SYT9: variants seen among roughly 807,000 people sequenced by gnomAD.
SYT9 encodes synaptotagmin 9, also known as synaptotagmin-9.
SYT9 carries 22 observed loss-of-function variants against 48.4 expected under a neutral mutation model. The ratio of observed to expected loss-of-function variants is 0.45; its 90% CI spans 0.32 to 0.65. The LOEUF is 0.65. Ranked by LOEUF, SYT9 falls within the 30% of genes least tolerant of loss-of-function variation. SYT9 has a pLI of 0.03. For synonymous variants in SYT9, 265 were observed against 245.0 expected (o/e 1.08, Z -0.76); for missense variants, 577 against 622.0 (o/e 0.93, Z 0.77).
chr11:7,264,176 A>C (rs1217357088), intron 1 of SYT9, among the ~76,000 whole-genome samples: 1 of 152,146 alleles, frequency 6.6e-6, no homozygotes, highest in South Asian at 2.1e-4. Flanking sequence ...TTATAAGCTG[A>C]GAGTGAGGAT....
intron 2 of SYT9, among the ~76,000 whole-genome samples, chr11:7,307,985 T>C (rs1849062740): frequency 6.6e-6 from 1 of 152,230 alleles, no homozygotes; most frequent in Non-Finnish European, 1.5e-5. Context: ...ATCTCACTTA[T>C]GCTGGAAACC....
chr11:7,263,162 T>C (rs1848110906), intron 1 of SYT9, among the ~76,000 whole-genome samples: 2 of 152,202 alleles, frequency 1.3e-5, no homozygotes. Context: ...CCATTTGCAC[T>C]GCCCTAGCAA....
chr11:7,413,961 C>G, intron 3 of SYT9, among the ~76,000 whole-genome samples: 1 of 152,166 alleles, frequency 6.6e-6, no homozygotes, highest in East Asian at 1.9e-4. Context: ...AATATACCAT[C>G]AAGTCTGAGG....
chr11:7,299,607 C>T lies in SYT9; in HGVS notation c.146-3432C>T, dbSNP rs141761990. ...CCTAGAGTTTACAGGCCACAACCCG[C>T]ACAACCATAATTCAAGGTAGACGTA... On this transcript the variant is annotated intron_variant, in intron 1 of 6. Coordinates refer to ENST00000318881, the MANE Select transcript of SYT9 (RefSeq NM_175733.4). Among the ~76,000 whole-genome samples, 845 of 152,318 alleles carry T rather than the reference C, an allele frequency of 5.5e-3. 11 individuals are homozygous for T. The highest frequency in any genetic ancestry group is 0.019 in the African/African-American group (806 of 41,568).
At chr11:7,349,346 T>G (rs1218879706) in intron 3 of SYT9, among the ~76,000 whole-genome samples, 1 of 150,962 alleles carries the variant, frequency 6.6e-6, no homozygotes, top group Admixed American at 6.6e-5. Flanking sequence ...ATGATAAATT[T>G]TATGATGTAC....
At chr11:7,373,143 T>C (rs1850392768) in intron 3 of SYT9, among the ~76,000 whole-genome samples, 1 of 152,130 alleles carries the variant, frequency 6.6e-6, no homozygotes, top group Non-Finnish European at 1.5e-5. Context: ...ATACATTATA[T>C]AGTATTTTAA....
chr11:7,355,265 T>A (rs917682814), intron 3 of SYT9, among the ~76,000 whole-genome samples: 1 of 152,186 alleles, frequency 6.6e-6, no homozygotes, highest in African/African-American at 2.4e-5. Flanking sequence ...CCTACAGGTA[T>A]GCTGAGATAC....
chr11:7,276,475 A>C (rs2133894980), intron 1 of SYT9, among the ~76,000 whole-genome samples: 1 of 152,296 alleles, frequency 6.6e-6, no homozygotes, highest in Middle Eastern at 3.4e-3. Flanking sequence ...GATCAAGTCT[A>C]AGCTCTTTAG....
intron 3 of SYT9, among the ~76,000 whole-genome samples, chr11:7,387,783 T>A (rs2134055609): frequency 6.6e-6 from 1 of 152,332 alleles, no homozygotes; most frequent in East Asian, 1.9e-4. Context: ...AGATCAACTA[T>A]AAGTTATCTC....
chr11:7,337,288 G>C (rs1039773997), intron 3 of SYT9, among the ~76,000 whole-genome samples: 3 of 152,076 alleles, frequency 2.0e-5, no homozygotes, highest in African/African-American at 7.2e-5. Context: ...CATGTTGTCT[G>C]CAACCCGAGA....
At chr11:7,415,206 G>A (rs530550343) in intron 3 of SYT9, among the ~76,000 whole-genome samples, 34 of 152,158 alleles carry the variant, frequency 2.2e-4, no homozygotes, top group Non-Finnish European at 4.3e-4. Context: ...CTGGGTCTCT[G>A]TTCTCTCCCT....
intron 1 of SYT9, among the ~76,000 whole-genome samples, chr11:7,243,799 C>T (rs747268858): frequency 2.6e-5 from 4 of 152,288 alleles, no homozygotes; most frequent in Non-Finnish European, 5.9e-5. Flanking sequence ...TCTACAACCA[C>T]TTGTGACACT....
At chr11:7,287,260 C>T (rs367814397) in intron 1 of SYT9, among the ~76,000 whole-genome samples, 14 of 152,148 alleles carry the variant, frequency 9.2e-5, no homozygotes, top group African/African-American at 3.1e-4. Context: ...ATAAAACCAT[C>T]GGATCTCTTG....
intron 3 of SYT9, among the ~76,000 whole-genome samples, chr11:7,371,583 T>G (rs552253267): frequency 2.0e-5 from 3 of 152,266 alleles, no homozygotes; most frequent in South Asian, 2.1e-4. Flanking sequence ...GTTTTGACAT[T>G]TGCGTTCACA....
upstream of SYT9, among the ~76,000 whole-genome samples, chr11:7,247,369 A>G (rs983784782): frequency 3.3e-5 from 5 of 151,480 alleles, no homozygotes; most frequent in Admixed American, 3.3e-4. Flanking sequence ...TCCATTCCTG[A>G]GTTACTCCAC....
At chr11:7,421,438 C>T (rs1280251480) in intron 6 of SYT9, among the ~76,000 whole-genome samples, 1 of 152,206 alleles carries the variant, frequency 6.6e-6, no homozygotes, top group African/African-American at 2.4e-5. Flanking sequence ...AACTTAGTCA[C>T]GTGGACATGT....
chr11:7,365,754 T>C lies in SYT9; in HGVS notation c.1045-50288T>C, dbSNP rs991561162. 4.6e-5 allele frequency among the ~76,000 whole-genome samples: 7 copies of C among 152,370 alleles called. No homozygotes were observed. The East Asian group carries it at 1.3e-3, about 29-fold the overall frequency. The stretch of plus-strand genomic sequence containing the variant: ...CTGTTTTAATTTTGCTTTTTCTAGT[T>C]GCTGTAGTTATTGTTTTAGTTACCA... On this transcript the variant is annotated intron_variant, in intron 3 of 6. Transcript: ENST00000318881.
chr11:7,310,479 C>T (rs1012020835), intron 2 of SYT9, among the ~76,000 whole-genome samples: 7 of 146,826 alleles, frequency 4.8e-5, no homozygotes, highest in African/African-American at 1.8e-4. Flanking sequence ...CGGAGTCTCA[C>T]CCTGTCGCCC....
chr11:7,281,159 T>C (rs1848486080), intron 1 of SYT9, among the ~76,000 whole-genome samples: 2 of 152,234 alleles, frequency 1.3e-5, no homozygotes, highest in South Asian at 4.1e-4. Flanking sequence ...CTCAGGCACA[T>C]TTCTATATTT....
Sources: allele counts gnomAD v4.1 joint callset (sites outside exome capture counted in the v4.1 genomes callset), GRCh38; gene constraint gnomAD v4.1.1; transcripts MANE v1.5; gene names NCBI Gene and HGNC (gene_info 2026-07-23, HGNC 2026-07-21).